The following HPD variants were observed in gnomAD, a reference collection of about 807,000 sequenced individuals.
HPD encodes the protein 4-hydroxyphenylpyruvic acid oxidase.
HPD carries 35 observed loss-of-function variants against 56.9 expected under a neutral mutation model. That is an observed-to-expected ratio of 0.62 (90% CI 0.47 to 0.82). The LOEUF (loss-of-function observed/expected upper bound fraction) is 0.82. Ranked by LOEUF, HPD falls within the 40% of genes least tolerant of loss-of-function variation. The probability of loss-of-function intolerance (pLI) is 0.00; values close to 1 mark genes in which losing one functional copy is unlikely to be tolerated. For synonymous variants in HPD, 186 were observed against 200.2 expected, an observed-to-expected ratio of 0.93 and a Z score of 0.60; for missense variants, 442 against 506.8, an observed-to-expected ratio of 0.87 and a Z score of 1.23.
At chr12:121,870,953 T>A in the HPD span, among the ~76,000 whole-genome samples, 1 of 152,096 alleles carries the variant, frequency 6.6e-6, no homozygotes, top group African/African-American at 2.4e-5. Flanking sequence ...CTTGCTCTGC[T>A]CTAGGTGAGC....
At chr12:121,843,924 C>T (rs761613200) in intron 11 of HPD, 92 bp from the exon 12 acceptor site, 58 of 1,463,582 alleles carry the variant, frequency 4.0e-5, no homozygotes, top group Middle Eastern at 1.8e-4. Context: ...ATACAGGGTC[C>T]CTATCCTAGC....
upstream of HPD, among the ~76,000 whole-genome samples, chr12:121,866,317 GAATA>G (rs1381708453): frequency 9.5e-5 from 13 of 137,222 alleles, 1 homozygote; most frequent in Non-Finnish European, 1.8e-4. Context: ...AAAAAAAAAA[GAATA>G]AATAAACTTT....
chr12:121,869,707 T>C, the HPD span, among the ~76,000 whole-genome samples: 1 of 152,056 alleles, frequency 6.6e-6, no homozygotes, highest in African/African-American at 2.4e-5. Flanking sequence ...GTGTTTTTAG[T>C]AGAGACAGGG....
upstream of HPD, among the ~76,000 whole-genome samples, chr12:121,866,122 C>G (rs919713816): frequency 3.3e-5 from 5 of 151,726 alleles, no homozygotes; most frequent in Admixed American, 2.0e-4. Context: ...ACGGTGAAAC[C>G]CTGTCTCTAC....
In HPD at chr12:121,840,065, G is replaced by C; in HGVS notation, c.955-17C>G. 6.5e-7 allele frequency: 1 copy of C among 1,548,232 alleles called. No individual in the cohort carries two copies. Among genetic ancestry groups the C allele is most frequent in the Non-Finnish European group, 8.9e-7 (1 of 1,120,104 alleles). ...TTTCAGCTCCTAGGCGGGAGACAGG[G>C]GGCTCTGCTAGGGGAGGCTGGCACG... On this transcript the variant is annotated splice_polypyrimidine_tract_variant and intron_variant, in intron 12 of 13. Transcript: ENST00000289004.
chr12:121,882,580 CA>C, the HPD span, among the ~76,000 whole-genome samples: 1 of 152,194 alleles, frequency 6.6e-6, no homozygotes. Context: ...AAACAAGCCT[CA>C]GTCCACATTC....
chr12:121,879,482 G>GTTCCC, the HPD span, among the ~76,000 whole-genome samples: 1 of 147,894 alleles, frequency 6.8e-6, no homozygotes, highest in Non-Finnish European at 1.5e-5. Context: ...TTTCTCTTCT[G>GTTCCC]TTCTCTTCTC....
the HPD span, among the ~76,000 whole-genome samples, chr12:121,884,590 AGCCACTGCACCTGTATC>A: frequency 7.1e-6 from 1 of 141,288 alleles, no homozygotes; most frequent in Non-Finnish European, 1.5e-5. Context: ...TACAGACATG[AGCCACTGCACCTGTATC>A]TCTCTCTCTC....
chr12:121,849,307 G>A (rs1303002931), intron 8 of HPD, among the ~76,000 whole-genome samples: 1 of 152,018 alleles, frequency 6.6e-6, no homozygotes, highest in Admixed American at 6.6e-5. Context: ...TGGGATTATA[G>A]GTATGAGCCA....
At position 121,839,737 on chromosome 12, in the gene HPD, G is replaced by C. The variant is rs202139965; in HGVS notation, c.1173C>G (p.Pro391=). ...LTNMETNGVV[P]GM Reference sequence around the variant, plus strand: ...GTGGGGTGGGCGGGGCTTACATGCCGGGCACCACCCCATTGGTCTCCATGT... The same window carrying C: ...GTGGGGTGGGCGGGGCTTACATGCCCGGCACCACCCCATTGGTCTCCATGT... The change falls in exon 14 of 14, where the codon CCC becomes CCG. Residue 391 remains proline, a synonymous_variant. Transcript: ENST00000289004. 5 of 1,611,332 alleles carry C rather than the reference G, an allele frequency of 3.1e-6. No homozygotes were observed. The East Asian group carries it at 8.9e-5, about 29-fold the overall frequency.
chr12:121,882,135 G>A, the HPD span, among the ~76,000 whole-genome samples: 1 of 151,918 alleles, frequency 6.6e-6, no homozygotes, highest in Non-Finnish European at 1.5e-5. Context: ...CAACTCATGA[G>A]CGAGCCTGCC....
In HPD at chr12:121,857,763, G is replaced by A. The variant is rs778774909; in HGVS notation, c.87C>T (p.Ala29=). 2 of 1,613,740 alleles carry A rather than the reference G, an allele frequency of 1.2e-6. No individual in the cohort carries two copies. Among genetic ancestry groups the A allele is most frequent in the East Asian group, 4.5e-5 (2 of 44,868 alleles). Residue 29 remains alanine, a synonymous_variant, in exon 3 of 14, where the codon GCC becomes GCT. Coordinates refer to ENST00000289004, the MANE Select transcript of HPD (RefSeq NM_002150.3). ...FHSVTFWVGN[A]KQATSFYCSK... is the part of the protein sequence containing the mutation. ...ACCTTGCCCCGGCTTCTACCTGCTT[G>A]GCGTTGCCAACCCAGAAGGTCACAG...
At chr12:121,857,591 CAG>C in intron 3 of HPD, 159 bp from the exon 4 acceptor site, 1 of 829,786 alleles carries the variant, frequency 1.2e-6, no homozygotes, top group Non-Finnish European at 2.0e-6. Context: ...ATTTTGCTGA[CAG>C]ATAACTTTCC....
At chr12:121,846,769 C>T (rs1448084617) in intron 11 of HPD, 93 bp downstream of exon 11, 1 of 1,185,810 alleles carries the variant, frequency 8.4e-7, no homozygotes, top group Non-Finnish European at 1.2e-6. Context: ...GAGAAACGGG[C>T]CCAGGACTGC....
At chr12:121,853,972 G>A (rs907139053) in intron 7 of HPD, among the ~76,000 whole-genome samples, 11 of 142,860 alleles carry the variant, frequency 7.7e-5, no homozygotes, top group African/African-American at 2.6e-4. Context: ...GAAAAAGGCC[G>A]GGCACAGTGG....
chr12:121,881,031 G>A, the HPD span, among the ~76,000 whole-genome samples: 1 of 152,282 alleles, frequency 6.6e-6, no homozygotes, highest in South Asian at 2.1e-4. Flanking sequence ...GACCTCAGGT[G>A]ATCTGCCCAC....
upstream of HPD, among the ~76,000 whole-genome samples, chr12:121,862,019 G>GA (rs1027367372): frequency 7.4e-4 from 112 of 151,168 alleles, 1 homozygote; most frequent in African/African-American, 2.5e-3. Context: ...TAAAAAAAGA[G>GA]AAAAAAAAAT....
the HPD span, among the ~76,000 whole-genome samples, chr12:121,875,540 C>A: frequency 6.6e-6 from 1 of 151,810 alleles, no homozygotes; most frequent in East Asian, 1.9e-4. Context: ...ATCCTCCTAC[C>A]TCAGCCTCCC....
chr12:121,872,241 A>T, the HPD span, among the ~76,000 whole-genome samples: 1 of 146,472 alleles, frequency 6.8e-6, no homozygotes, highest in African/African-American at 2.5e-5. Flanking sequence ...TCCTCTCAAA[A>T]AAAAAAAAGA....
Sources: allele counts gnomAD v4.1 joint callset (sites outside exome capture counted in the v4.1 genomes callset), GRCh38; gene constraint gnomAD v4.1.1; transcripts MANE v1.5; gene names NCBI Gene and HGNC (gene_info 2026-07-23, HGNC 2026-07-21).